Variants in IGSF11 observed in about 807,000 individuals in gnomAD.
IGSF11 encodes immunoglobulin superfamily member 11, also known as CXADR like 1.
A neutral mutation model predicts 41.0 loss-of-function variants in IGSF11; 22 were observed. The observed-to-expected ratio is 0.54, with a 90% CI of 0.38 to 0.77. IGSF11 has a LOEUF of 0.77. Ranked by LOEUF, IGSF11 falls within the 30% of genes least tolerant of loss-of-function variation. IGSF11 has a pLI of 0.00. For missense variants in IGSF11, 444 were observed against 530.8 expected, an observed-to-expected ratio of 0.84 and a Z score of 1.61; for synonymous variants, 219 against 201.3, an observed-to-expected ratio of 1.09 and a Z score of -0.74.
At chr3:119,030,445 T>C (rs1940290255) in intron 1 of IGSF11, among the ~76,000 whole-genome samples, 1 of 152,210 alleles carries the variant, frequency 6.6e-6, no homozygotes. Flanking sequence ...TTACTTCATA[T>C]TTCTGCAATT....
At chr3:119,090,451 AG>A (rs2076745126) in intron 1 of IGSF11, among the ~76,000 whole-genome samples, 1 of 152,206 alleles carries the variant, frequency 6.6e-6, no homozygotes, top group South Asian at 2.1e-4. Context: ...AAAAGAACAA[AG>A]TTAAGGCATC....
chr3:118,959,739 C>T (rs1945204578), intron 1 of IGSF11, among the ~76,000 whole-genome samples: 1 of 152,126 alleles, frequency 6.6e-6, no homozygotes, highest in Non-Finnish European at 1.5e-5. Flanking sequence ...ACTGCTGCTG[C>T]TGTTGTTGGT....
At chr3:119,063,405 C>T (rs1448749037) in intron 1 of IGSF11, among the ~76,000 whole-genome samples, 1 of 152,092 alleles carries the variant, frequency 6.6e-6, no homozygotes, top group African/African-American at 2.4e-5. Context: ...TTTTAATTCC[C>T]CTTTGTAAAT....
At chr3:119,042,602 T>A (rs1011866009) in intron 1 of IGSF11, among the ~76,000 whole-genome samples, 1 of 152,082 alleles carries the variant, frequency 6.6e-6, no homozygotes, top group Non-Finnish European at 1.5e-5. Flanking sequence ...CCCCCCACAG[T>A]GGTGGCAGCA....
chr3:119,097,396 A>G (rs2076870072), intron 1 of IGSF11, among the ~76,000 whole-genome samples: 1 of 150,988 alleles, frequency 6.6e-6, no homozygotes, highest in South Asian at 2.1e-4. Context: ...TAAATTTGGC[A>G]TGCTTGGCTC....
chr3:119,086,468 G>A (rs1317364256), intron 1 of IGSF11, among the ~76,000 whole-genome samples: 3 of 151,374 alleles, frequency 2.0e-5, no homozygotes, highest in African/African-American at 7.3e-5. Context: ...AAAAGAAAAA[G>A]TCCAAGTTGG....
intron 1 of IGSF11, among the ~76,000 whole-genome samples, chr3:119,123,783 C>T (rs1289643973): frequency 6.6e-6 from 1 of 152,222 alleles, no homozygotes; most frequent in African/African-American, 2.4e-5. Flanking sequence ...GATGACTCTA[C>T]AAGAACCACA....
intron 1 of IGSF11, among the ~76,000 whole-genome samples, chr3:119,009,218 TTC>T (rs1183118843): frequency 2.0e-5 from 3 of 152,150 alleles, no homozygotes; most frequent in Non-Finnish European, 4.4e-5. Flanking sequence ...ACATTTGAAA[TTC>T]TGTTACCCAA....
intron 1 of IGSF11, among the ~76,000 whole-genome samples, chr3:118,975,457 A>G (rs1324817902): frequency 6.6e-6 from 1 of 152,066 alleles, no homozygotes; most frequent in African/African-American, 2.4e-5. Context: ...AATCTCAAAG[A>G]TATGCTCTAT....
chr3:119,115,761 T>C (rs982536039), intron 1 of IGSF11, among the ~76,000 whole-genome samples: 3 of 152,178 alleles, frequency 2.0e-5, no homozygotes, highest in Admixed American at 2.0e-4. Context: ...TATAATCCCA[T>C]ATGTCCAAAA....
At position 118,936,556 on chromosome 3, in the gene IGSF11, T is replaced by C. The variant is rs556922116; in HGVS notation, c.53-6281A>G. Among the ~76,000 whole-genome samples the C allele has an allele frequency of 8.5e-5, 13 of 152,104 alleles. 2 individuals carry two copies. The highest frequency in any genetic ancestry group is 2.9e-4 in the African/African-American group (12 of 41,522). On this transcript the variant is annotated intron_variant, in intron 1 of 6. Transcript: ENST00000393775. ...CATCTTACAATTTGCAATATTTACA[T>C]GTAAAATGCATAATTTAAGAGCCAA...
intron 1 of IGSF11, among the ~76,000 whole-genome samples, chr3:119,112,251 C>T (rs1471715549): frequency 6.6e-6 from 1 of 152,194 alleles, no homozygotes; most frequent in Non-Finnish European, 1.5e-5. Flanking sequence ...CTCCACCCAG[C>T]TCGAGCTTCC....
chr3:118,935,762 A>G (rs1173131397), intron 1 of IGSF11, among the ~76,000 whole-genome samples: 1 of 152,092 alleles, frequency 6.6e-6, no homozygotes, highest in Non-Finnish European at 1.5e-5. Context: ...TTGAAGCCGG[A>G]TATCTAGACT....
intron 1 of IGSF11, among the ~76,000 whole-genome samples, chr3:119,032,417 C>G (rs1288656719): frequency 4.6e-5 from 7 of 152,184 alleles, no homozygotes. Flanking sequence ...GCTAACTGTT[C>G]ATCCTCTTCC....
rs534862177 is a variant in IGSF11 at position 119,113,633 on chromosome 3, T to G, written c.-13-8428A>C. ...ACTGCTTTCAGAGGCTAGGGTGGAGTGCCTGCAGCTTTTCTAGGCACATGG... is the reference window on the plus strand; with the variant it reads ...ACTGCTTTCAGAGGCTAGGGTGGAGGGCCTGCAGCTTTTCTAGGCACATGG... On this transcript the variant is annotated intron_variant, in intron 1 of 7. Coordinates refer to the IGSF11 transcript ENST00000425327. Among the ~76,000 whole-genome samples the G allele has an allele frequency of 2.0e-5, 3 of 152,134 alleles. No homozygotes were observed. The East Asian group carries it at 5.8e-4, about 29-fold the overall frequency.
At chr3:119,010,137 TTTG>T (rs1937934314) in intron 1 of IGSF11, among the ~76,000 whole-genome samples, 2 of 152,168 alleles carry the variant, frequency 1.3e-5, no homozygotes, top group South Asian at 2.1e-4. Flanking sequence ...GAAGTGTCAA[TTTG>T]TTTTCCTTTC....
chr3:119,058,925 G>A (rs1264360992), intron 1 of IGSF11, among the ~76,000 whole-genome samples: 3 of 151,656 alleles, frequency 2.0e-5, no homozygotes, highest in Non-Finnish European at 4.4e-5. Flanking sequence ...ATTGAACAAT[G>A]AGAACACATG....
chr3:118,940,086 G>C (rs901582064), intron 1 of IGSF11, among the ~76,000 whole-genome samples: 2 of 152,124 alleles, frequency 1.3e-5, no homozygotes, highest in Admixed American at 1.3e-4. Context: ...AATTCAAACA[G>C]CTAACAAATT....
intron 4 of IGSF11, among the ~76,000 whole-genome samples, chr3:118,922,806 T>C (rs1381903279): frequency 6.6e-6 from 1 of 152,108 alleles, no homozygotes; most frequent in Non-Finnish European, 1.5e-5. Flanking sequence ...CATTTCCTGG[T>C]TTCCAGATGA....
Sources: gnomAD v4.1 joint callset for allele counts (sites outside exome capture counted in the v4.1 genomes callset) on GRCh38, gnomAD v4.1.1 for gene constraint, MANE v1.5 for transcripts, NCBI Gene and HGNC (gene_info 2026-07-23, HGNC 2026-07-21) for gene names.